The following ACOT12 variants were observed in gnomAD, a reference collection of about 807,000 sequenced individuals.
ACOT12 encodes the protein acyl-CoA thioesterase 12.
Under a neutral mutation model 67.7 loss-of-function variants are expected in ACOT12, and 51 were observed. That is an observed-to-expected ratio of 0.75 (90% CI 0.60 to 0.95). The LOEUF (loss-of-function observed/expected upper bound fraction) is 0.95. Among genes scored for constraint, ACOT12 ranks in the 40% least tolerant of loss-of-function variants. The pLI is 0.00. For missense variants in ACOT12, 734 were observed against 708.1 expected, an observed-to-expected ratio of 1.04 and a Z score of -0.41; for synonymous variants, 251 against 244.6, an observed-to-expected ratio of 1.03 and a Z score of -0.24.
intron 3 of ACOT12, among the ~76,000 whole-genome samples, chr5:81,368,156 G>A (rs968928761): frequency 3.3e-5 from 5 of 152,126 alleles, no homozygotes; most frequent in African/African-American, 1.2e-4. Flanking sequence ...GCTGGGCGTG[G>A]TGGTGCACAT....
the ACOT12 span, among the ~76,000 whole-genome samples, chr5:81,320,791 G>GTGTTT: frequency 1.3e-5 from 2 of 152,154 alleles, no homozygotes; most frequent in Non-Finnish European, 2.9e-5. Flanking sequence ...AGTATGCTTT[G>GTGTTT]TGTTTTGTTT....
chr5:81,336,360 G>A (rs145623706), intron 11 of ACOT12, among the ~76,000 whole-genome samples: 1 of 152,292 alleles, frequency 6.6e-6, no homozygotes, highest in East Asian at 1.9e-4. Context: ...AGTGGGCCAA[G>A]GGGATCCAGG....
rs189353456 is a variant in ACOT12 at position 81,389,676 on chromosome 5, G to A, written c.128-3850C>T. 2.4e-3 allele frequency among the ~76,000 whole-genome samples: 361 copies of A among 152,060 alleles called. 1 individual carries two copies. Among genetic ancestry groups the A allele is most frequent in the African/African-American group, 8.3e-3 (346 of 41,482 alleles). On this transcript the variant is annotated intron_variant, in intron 1 of 14. Transcript: ENST00000307624. Reference sequence around the variant, plus strand: ...TGAGTAGCTGGGAATACAGGCGTGCGCCACCATGCCCAGCTAATTTTTGTA... The same window carrying A: ...TGAGTAGCTGGGAATACAGGCGTGCACCACCATGCCCAGCTAATTTTTGTA...
At chr5:81,386,809 C>T (rs1375440671) in intron 1 of ACOT12, among the ~76,000 whole-genome samples, 1 of 151,952 alleles carries the variant, frequency 6.6e-6, no homozygotes, top group South Asian at 2.1e-4. Flanking sequence ...TACCCCACTG[C>T]GCACGTATTT....
intron 3 of ACOT12, among the ~76,000 whole-genome samples, chr5:81,365,607 T>G (rs1760054105): frequency 6.6e-6 from 1 of 152,166 alleles, no homozygotes; most frequent in Non-Finnish European, 1.5e-5. Flanking sequence ...CAGGGAGAAT[T>G]TCATTGTGTT....
chr5:81,336,831 G>A (rs1417834689), intron 11 of ACOT12, among the ~76,000 whole-genome samples: 1 of 152,164 alleles, frequency 6.6e-6, no homozygotes, highest in African/African-American at 2.4e-5. Context: ...GGCTGTAAAG[G>A]AGAAGGCTTT....
chr5:81,376,928 C>T (rs1025990105), intron 2 of ACOT12, among the ~76,000 whole-genome samples: 2 of 152,158 alleles, frequency 1.3e-5, no homozygotes, highest in Non-Finnish European at 2.9e-5. Flanking sequence ...GAGCTGGTAC[C>T]ATTCCTTCTG....
At chr5:81,321,159 G>T in the ACOT12 span, among the ~76,000 whole-genome samples, 1 of 152,192 alleles carries the variant, frequency 6.6e-6, no homozygotes, top group African/African-American at 2.4e-5. Flanking sequence ...GGGAAGCTGG[G>T]GGAAAAGGAT....
At chr5:81,390,237 T>C (rs1760828977) in intron 1 of ACOT12, among the ~76,000 whole-genome samples, 1 of 151,090 alleles carries the variant, frequency 6.6e-6, no homozygotes, top group Admixed American at 6.6e-5. Flanking sequence ...GCTAGGATTA[T>C]AGGCATGAGC....
At position 81,334,677 on chromosome 5, in the gene ACOT12, A is replaced by T. The variant is rs370637478; in HGVS notation, c.1262+1091T>A. ...GAAGATGAGCCTCTATCTTGTCAAG[A>T]TTAGGAAACGCTTAACACATAGGAA... On this transcript the variant is annotated intron_variant, in intron 12 of 14. Coordinates refer to ENST00000307624, the MANE Select transcript of ACOT12 (RefSeq NM_130767.3). Among the ~76,000 whole-genome samples the T allele has an allele frequency of 3.3e-5, 5 of 152,308 alleles. No homozygotes were observed. The East Asian group carries it at 7.7e-4, about 24-fold the overall frequency.
At chr5:81,392,136 T>G (rs146578014) in intron 1 of ACOT12, among the ~76,000 whole-genome samples, 93 of 152,270 alleles carry the variant, frequency 6.1e-4, no homozygotes, top group African/African-American at 2.2e-3. Flanking sequence ...AGAAGACATT[T>G]TGGAATCCAG....
intron 2 of ACOT12, among the ~76,000 whole-genome samples, chr5:81,378,698 A>G (rs183560476): frequency 2.5e-3 from 375 of 152,338 alleles, no homozygotes; most frequent in African/African-American, 8.6e-3. Context: ...TTCTCAAAAG[A>G]AGATATTTAT....
downstream of ACOT12, among the ~76,000 whole-genome samples, chr5:81,328,342 C>T (rs1173866479): frequency 1.3e-5 from 2 of 152,066 alleles, no homozygotes; most frequent in African/African-American, 2.4e-5. Flanking sequence ...ATGATGTGAA[C>T]AGAGTATGCT....
At chr5:81,365,029 T>G (rs1299129848) in intron 3 of ACOT12, among the ~76,000 whole-genome samples, 1 of 152,352 alleles carries the variant, frequency 6.6e-6, no homozygotes, top group South Asian at 2.1e-4. Flanking sequence ...CACTTTATGT[T>G]GATACTAAAA....
At chr5:81,334,819 T>C (rs1037087304) in intron 12 of ACOT12, among the ~76,000 whole-genome samples, 7 of 152,014 alleles carry the variant, frequency 4.6e-5, no homozygotes, top group Non-Finnish European at 1.0e-4. Flanking sequence ...GTTGGCAGGG[T>C]GCACAGCTCT....
chr5:81,370,731 G>A (rs1040107400), intron 3 of ACOT12, among the ~76,000 whole-genome samples: 5 of 152,150 alleles, frequency 3.3e-5, no homozygotes, highest in African/African-American at 9.7e-5. Flanking sequence ...TCCCAGAACC[G>A]TGGGACACTA....
At chr5:81,323,371 G>A in the ACOT12 span, among the ~76,000 whole-genome samples, 1 of 152,192 alleles carries the variant, frequency 6.6e-6, no homozygotes, top group East Asian at 1.9e-4. Flanking sequence ...GCTGATCTAA[G>A]CTGGACTCAG....
At chr5:81,382,609 C>T (rs1180444298) in intron 2 of ACOT12, among the ~76,000 whole-genome samples, 1 of 151,894 alleles carries the variant, frequency 6.6e-6, no homozygotes, top group Non-Finnish European at 1.5e-5. Context: ...CCAGCCTGGC[C>T]AACATGATGA....
intron 5 of ACOT12, among the ~76,000 whole-genome samples, chr5:81,358,705 T>C (rs1228008589): frequency 6.6e-6 from 1 of 152,078 alleles, no homozygotes; most frequent in Non-Finnish European, 1.5e-5. Flanking sequence ...CAAAATTAGC[T>C]GGGCGTGGTG....
Sources: gnomAD v4.1 joint callset for allele counts (sites outside exome capture counted in the v4.1 genomes callset) on GRCh38, gnomAD v4.1.1 for gene constraint, MANE v1.5 for transcripts, NCBI Gene and HGNC (gene_info 2026-07-23, HGNC 2026-07-21) for gene names.